Variants in CCDC85A observed in about 807,000 individuals in gnomAD.
CCDC85A encodes coiled-coil domain-containing protein 85A.
A neutral mutation model predicts 50.2 loss-of-function variants in CCDC85A; 38 were observed. The ratio of observed to expected loss-of-function variants is 0.76; its 90% confidence interval spans 0.58 to 0.99. CCDC85A has a LOEUF of 0.99. Among genes scored for constraint, CCDC85A ranks in the 50% least tolerant of loss-of-function variants. CCDC85A has a pLI of 0.00. For missense variants in CCDC85A, 820 were observed against 742.0 expected (o/e 1.11, Z -1.22); for synonymous variants, 366 against 301.4 (o/e 1.21, Z -2.22).
At chr2:56,211,367 C>A (rs1384192668) in intron 2 of CCDC85A, among the ~76,000 whole-genome samples, 1 of 151,892 alleles carries the variant, frequency 6.6e-6, no homozygotes. Flanking sequence ...ATATTTATTT[C>A]TTTATTTCTT....
intron 2 of CCDC85A, among the ~76,000 whole-genome samples, chr2:56,268,449 G>A (rs1376907876): frequency 6.6e-6 from 1 of 151,986 alleles, no homozygotes; most frequent in Non-Finnish European, 1.5e-5. Flanking sequence ...CAAAAAATTA[G>A]CCAAGAGTGG....
chr2:56,358,698 C>T (rs1216662037), intron 3 of CCDC85A, among the ~76,000 whole-genome samples: 1 of 152,190 alleles, frequency 6.6e-6, no homozygotes, highest in Non-Finnish European at 1.5e-5. Context: ...GGATTTAACT[C>T]TGGCAGTAGT....
rs529890102 is a variant in CCDC85A, at chr2:56,382,510, G to T, written c.1573-1756G>T. On this transcript the variant is annotated intron_variant, in intron 5 of 5. Transcript: ENST00000407595. ...CTGCCCCCTAAGAAATAGTAAATCTGCCTTTTTGTAGTAGTTGTTTTATTT... is the reference window on the plus strand; with the variant it reads ...CTGCCCCCTAAGAAATAGTAAATCTTCCTTTTTGTAGTAGTTGTTTTATTT... Among the ~76,000 whole-genome samples, 283 of 152,052 alleles carry T rather than the reference G, an allele frequency of 1.9e-3. 1 individual carries two copies. The highest frequency in any genetic ancestry group is 6.4e-3 in the African/African-American group (264 of 41,524).
At chr2:56,376,318 T>C (rs893550495) in intron 5 of CCDC85A, among the ~76,000 whole-genome samples, 3 of 152,196 alleles carry the variant, frequency 2.0e-5, no homozygotes, top group Non-Finnish European at 2.9e-5. Flanking sequence ...TATGGAAGGA[T>C]ACCACAGTAT....
rs952181690 is a variant in CCDC85A at position 56,384,544 on chromosome 2, C to T, written c.*189C>T. ...CCTCAAGCTGATATTCTGTGTCTCT[C>T]ACCTCAATGTCCACAACAGTCAATC... is the stretch of plus-strand genomic sequence containing the variant. On this transcript the variant is annotated 3_prime_UTR_variant, in exon 6 of 6. Transcript: ENST00000407595. 5.5e-6 allele frequency: 3 copies of T among 546,794 alleles called. No homozygotes were observed. Among genetic ancestry groups the T allele is most frequent in the Non-Finnish European group, 9.9e-6 (3 of 304,398 alleles). The allele number at this position is 546,794 out of a possible 1,614,324, so 33.9% of individuals were successfully genotyped here. A position where few individuals can be genotyped will look rare whatever the true frequency, so the allele number is the denominator to read the frequency against.
chr2:56,290,560 G>C (rs1201854187), intron 2 of CCDC85A, among the ~76,000 whole-genome samples: 1 of 152,130 alleles, frequency 6.6e-6, no homozygotes, highest in East Asian at 1.9e-4. Context: ...CATCACTAGT[G>C]GTGATCATTT....
At chr2:56,216,285 A>T (rs909903091) in intron 2 of CCDC85A, among the ~76,000 whole-genome samples, 2 of 151,840 alleles carry the variant, frequency 1.3e-5, no homozygotes, top group African/African-American at 4.8e-5. Flanking sequence ...GCTTTACTAG[A>T]TAATGCCACA....
chr2:56,356,899 C>G (rs911043573), intron 3 of CCDC85A, among the ~76,000 whole-genome samples: 1 of 151,748 alleles, frequency 6.6e-6, no homozygotes, highest in Non-Finnish European at 1.5e-5. Context: ...GAAACCCCAT[C>G]TCTACTAAAA....
At chr2:56,272,535 A>G (rs1670743814) in intron 2 of CCDC85A, among the ~76,000 whole-genome samples, 1 of 152,180 alleles carries the variant, frequency 6.6e-6, no homozygotes, top group Non-Finnish European at 1.5e-5. Context: ...TTCTTATAGA[A>G]TAACTGAAGT....
At chr2:56,354,793 G>A (rs1055462657) in intron 3 of CCDC85A, among the ~76,000 whole-genome samples, 4 of 152,274 alleles carry the variant, frequency 2.6e-5, no homozygotes, top group Non-Finnish European at 4.4e-5. Context: ...CAATGGCTTG[G>A]TAAGTCTTAC....
At chr2:56,237,741 A>AT (rs5831405) in intron 2 of CCDC85A, among the ~76,000 whole-genome samples, 1 of 149,104 alleles carries the variant, frequency 6.7e-6, no homozygotes, top group Non-Finnish European at 1.5e-5. Flanking sequence ...CTAACCATTA[A>AT]TTTTTTTTTT....
At chr2:56,278,054 T>G (rs1671039093) in intron 2 of CCDC85A, among the ~76,000 whole-genome samples, 1 of 152,054 alleles carries the variant, frequency 6.6e-6, no homozygotes. Context: ...ACCTTGCCAT[T>G]GGATATGCTG....
chr2:56,196,014 C>T (rs1344773821), intron 2 of CCDC85A, among the ~76,000 whole-genome samples: 2 of 152,072 alleles, frequency 1.3e-5, no homozygotes, highest in Non-Finnish European at 2.9e-5. Context: ...GTTGACTGTG[C>T]CTTGAGCATT....
intron 3 of CCDC85A, among the ~76,000 whole-genome samples, chr2:56,355,571 A>G (rs892443722): frequency 1.3e-5 from 2 of 152,204 alleles, no homozygotes; most frequent in African/African-American, 2.4e-5. Flanking sequence ...TGTAACTCAT[A>G]TAGGTTAGTG....
At chr2:56,358,557 A>G (rs1675352849) in intron 3 of CCDC85A, among the ~76,000 whole-genome samples, 1 of 152,178 alleles carries the variant, frequency 6.6e-6, no homozygotes, top group Admixed American at 6.5e-5. Context: ...TATGGGCCAT[A>G]TGTTCTGCTT....
chr2:56,291,924 G>A (rs966343420), intron 2 of CCDC85A, among the ~76,000 whole-genome samples: 4 of 152,110 alleles, frequency 2.6e-5, no homozygotes, highest in African/African-American at 9.7e-5. Context: ...AGGCCCAGGT[G>A]AGAGATGGCA....
chr2:56,359,201 T>G (rs1437861492), intron 3 of CCDC85A, among the ~76,000 whole-genome samples: 1 of 152,152 alleles, frequency 6.6e-6, no homozygotes, highest in Non-Finnish European at 1.5e-5. Flanking sequence ...CTGCTCTGAG[T>G]TATCAGTACT....
chr2:56,338,913 C>G (rs1306632898), intron 2 of CCDC85A, among the ~76,000 whole-genome samples: 3 of 152,052 alleles, frequency 2.0e-5, no homozygotes, highest in African/African-American at 7.2e-5. Context: ...AACAAAACAG[C>G]CTGAGTACTC....
At chr2:56,363,957 A>G (rs1675663132) in intron 3 of CCDC85A, among the ~76,000 whole-genome samples, 1 of 152,236 alleles carries the variant, frequency 6.6e-6, no homozygotes, top group African/African-American at 2.4e-5. Flanking sequence ...CAACAATGCC[A>G]TAACCTTTTA....
Sources: gnomAD v4.1 joint callset for allele counts (sites outside exome capture counted in the v4.1 genomes callset) on GRCh38, gnomAD v4.1.1 for gene constraint, MANE v1.5 for transcripts, NCBI Gene and HGNC (gene_info 2026-07-23, HGNC 2026-07-21) for gene names.